The following IL18RAP variants were observed in gnomAD, a reference collection of about 807,000 sequenced individuals.
IL18RAP encodes interleukin-18 receptor accessory protein.
In IL18RAP, 37 loss-of-function variants were observed where a neutral mutation model predicts 58.1. The observed-to-expected ratio is 0.64, with a 90% CI of 0.49 to 0.84. IL18RAP has a LOEUF of 0.84. IL18RAP is among the 40% of genes least tolerant of loss of function. The probability of loss-of-function intolerance (pLI) is 0.00; values close to 1 mark genes in which losing one functional copy is unlikely to be tolerated. For synonymous variants in IL18RAP, 268 were observed against 257.5 expected (o/e 1.04, Z -0.39); for missense variants, 667 against 704.8 (o/e 0.95, Z 0.61).
intron 6 of IL18RAP, among the ~76,000 whole-genome samples, chr2:102,444,920 T>C (rs987367924): frequency 6.6e-6 from 1 of 152,230 alleles, no homozygotes; most frequent in Non-Finnish European, 1.5e-5. Flanking sequence ...GTATTGTTAT[T>C]ATCTATTCTC....
intron 6 of IL18RAP, among the ~76,000 whole-genome samples, chr2:102,444,175 C>T (rs1327908554): frequency 6.6e-6 from 1 of 152,138 alleles, no homozygotes; most frequent in Admixed American, 6.5e-5. Flanking sequence ...GAAAAGTATA[C>T]ATCATTACAA....
chr2:102,441,317 G>T lies in IL18RAP; in HGVS notation c.736G>T (p.Asp246Tyr). The T allele has an allele frequency of 6.2e-7, 1 of 1,612,806 alleles. No homozygotes were observed. The highest frequency in any genetic ancestry group is 1.1e-5 in the South Asian group (1 of 91,016). The change falls in exon 5 of 10, where the codon GAC becomes TAC. Residue 246 changes from aspartate (D) to tyrosine (Y), a missense_variant. Transcript: ENST00000687160. ...AVVQVRTIVG[D>Y]TKLKPDILDP... ...TCTTTGTTTTCATCTTTCAGTGGGA[G>T]ACACTAAACTCAAACCAGATATTCT...
rs145189024 is a variant in IL18RAP, at chr2:102,442,201, C to A, written c.796+824C>A. Among the ~76,000 whole-genome samples, 421 of 152,168 alleles carry A rather than the reference C, an allele frequency of 2.8e-3. 5 individuals carry two copies. Among genetic ancestry groups the A allele is most frequent in the African/African-American group, 9.4e-3 (392 of 41,538 alleles). On this transcript the variant is annotated intron_variant, in intron 5 of 9. Coordinates refer to ENST00000687160, the MANE Select transcript of IL18RAP (RefSeq NM_001393487.1). ...AGAAATTGACTTCCCTGTGGGTCTC[C>A]TTTTATTTTGTCAACTTCAATAATA...
upstream of IL18RAP, chr2:102,418,916 T>A (rs1558630239): frequency 2.0e-5 from 3 of 152,328 alleles, no homozygotes; most frequent in South Asian, 4.1e-4. Flanking sequence ...CTCTTTTTTT[T>A]ATGTCTTAAG....
chr2:102,435,739 G>A (rs1022996091), intron 3 of IL18RAP, among the ~76,000 whole-genome samples: 3 of 152,016 alleles, frequency 2.0e-5, no homozygotes, highest in African/African-American at 7.3e-5. Context: ...ATAAGAAATC[G>A]ATAATACTGC....
chr2:102,423,238 A>C lies in IL18RAP; in HGVS notation c.-40A>C. 1.3e-6 allele frequency: 2 copies of C among 1,583,486 alleles called. No homozygotes were observed. The highest frequency in any genetic ancestry group is 4.5e-5 in the East Asian group (2 of 44,728). On this transcript the variant is annotated 5_prime_UTR_variant, in exon 1 of 10. Coordinates refer to ENST00000687160, the MANE Select transcript of IL18RAP (RefSeq NM_001393487.1). Reference sequence around the variant, plus strand: ...TCAAAACACTCTACTCTGGCAAAGGAATGAAGTTATTGGAGTGATGACAGG... The same window carrying C: ...TCAAAACACTCTACTCTGGCAAAGGCATGAAGTTATTGGAGTGATGACAGG...
intron 1 of IL18RAP, 108 bp downstream of exon 1, chr2:102,423,455 T>A: frequency 1.0e-6 from 1 of 980,204 alleles, no homozygotes. Context: ...AACCTTTCCA[T>A]CCTACTATTA....
At chr2:102,448,522 T>C (rs2104384667) in intron 8 of IL18RAP, among the ~76,000 whole-genome samples, 1 of 152,292 alleles carries the variant, frequency 6.6e-6, no homozygotes, top group East Asian at 1.9e-4. Flanking sequence ...CTCTGTTGCT[T>C]GGAAAAAGCA....
intron 8 of IL18RAP, among the ~76,000 whole-genome samples, chr2:102,447,437 G>A (rs555659280): frequency 6.6e-6 from 1 of 152,268 alleles, no homozygotes; most frequent in Middle Eastern, 3.4e-3. Flanking sequence ...CCTTCCTCCA[G>A]GTCTAGTGAC....
chr2:102,442,299 TA>T (rs1683151632), intron 5 of IL18RAP, among the ~76,000 whole-genome samples: 1 of 151,718 alleles, frequency 6.6e-6, no homozygotes, highest in African/African-American at 2.4e-5. Context: ...TTTAATAATA[TA>T]AATTTTTTTA....
At position 102,424,028 on chromosome 2, in the gene IL18RAP, C is replaced by T. The variant is rs565679467; in HGVS notation, c.288C>T (p.Asp96=). The T allele has an allele frequency of 6.2e-7, 1 of 1,614,030 alleles. No individual in the cohort carries two copies. The highest frequency in any genetic ancestry group is 1.7e-5 in the Admixed American group (1 of 59,996). The change falls in exon 2 of 10, where the codon GAC becomes GAT. Residue 96 remains aspartate, a synonymous_variant. Transcript: ENST00000687160. ...QQPSNGDPLE[D]IRKSYPHIIQ... is the part of the protein sequence containing the mutation. ...CTTCGAATGGAGATCCATTAGAGGA[C>T]ATTAGGAAAAGCTATCCTCACATCA...
chr2:102,422,107 C>T (rs1303060689), upstream of IL18RAP, among the ~76,000 whole-genome samples: 1 of 152,172 alleles, frequency 6.6e-6, no homozygotes, highest in Non-Finnish European at 1.5e-5. Flanking sequence ...CCCTCTACTC[C>T]TCTCTCTCCA....
chr2:102,437,386 A>G, intron 4 of IL18RAP, 24 bp downstream of exon 4: 1 of 1,599,206 alleles, frequency 6.3e-7, no homozygotes, highest in Non-Finnish European at 8.5e-7. Flanking sequence ...TTATCTCAAG[A>G]TTTGAGATCT....
At chr2:102,427,293 G>A (rs1483833063) in intron 3 of IL18RAP, among the ~76,000 whole-genome samples, 1 of 152,038 alleles carries the variant, frequency 6.6e-6, no homozygotes, top group African/African-American at 2.4e-5. Context: ...TGAATCATAT[G>A]GTAGCTCTAT....
intron 5 of IL18RAP, 88 bp downstream of exon 5, chr2:102,441,465 C>A: frequency 9.8e-7 from 1 of 1,019,410 alleles, no homozygotes; most frequent in Non-Finnish European, 1.5e-6. Flanking sequence ...TTGGGATTTC[C>A]AGTCAAACAG....
Position 102,451,969 on chromosome 2 carries a change from G to T in IL18RAP, c.1588G>T (p.Ala530Ser), listed in dbSNP as rs778834946. Residue 530 changes from alanine (A) to serine (S), a missense_variant, in exon 10 of 10, where the codon GCT becomes TCT. Physicochemically the swap from Ala to Ser is moderately conservative, Grantham distance 99. Coordinates refer to ENST00000687160, the MANE Select transcript of IL18RAP (RefSeq NM_001393487.1). Reference protein sequence around the residue: ...PESLPHLVKKALRVLPTVTWR... With the variant: ...PESLPHLVKKSLRVLPTVTWR... ...GTCTCTACCTCATCTCGTGAAAAAA[G>T]CTCTCAGGGTTTTGCCCACAGTTAC... The T allele has an allele frequency of 9.9e-6, 16 of 1,613,952 alleles. No homozygotes were observed. Among genetic ancestry groups the T allele is most frequent in the Middle Eastern group, 1.6e-4 (1 of 6,084 alleles).
intron 5 of IL18RAP, among the ~76,000 whole-genome samples, chr2:102,442,263 T>C (rs1459346453): frequency 2.0e-5 from 3 of 151,956 alleles, no homozygotes; most frequent in Non-Finnish European, 4.4e-5. Context: ...AGAATTGCTG[T>C]ATTAAAAATA....
chr2:102,435,365 G>A (rs1226514207), intron 3 of IL18RAP: 1 of 152,256 alleles, frequency 6.6e-6, no homozygotes, highest in African/African-American at 2.4e-5. Flanking sequence ...TAAAATGAAA[G>A]ATTAAAAGCT....
intron 5 of IL18RAP, among the ~76,000 whole-genome samples, chr2:102,442,169 G>A (rs1683144024): frequency 6.6e-6 from 1 of 152,146 alleles, no homozygotes; most frequent in Non-Finnish European, 1.5e-5. Context: ...CTTCTTTGGG[G>A]TTGAGGAGAA....
Sources: allele counts gnomAD v4.1 joint callset (sites outside exome capture counted in the v4.1 genomes callset), GRCh38; gene constraint gnomAD v4.1.1; transcripts MANE v1.5; gene names NCBI Gene and HGNC (gene_info 2026-07-23, HGNC 2026-07-21).